The following ZNF417 variants were observed in gnomAD, a reference collection of about 807,000 sequenced individuals.
ZNF417 encodes the protein zinc finger protein 417.
ZNF417 carries 5 observed loss-of-function variants against 7.4 expected under a neutral mutation model. The observed-to-expected ratio is 0.68, with a 90% CI of 0.35 to 1.43. ZNF417 has a LOEUF of 1.43. Among genes scored for constraint, ZNF417 ranks in the 40% most tolerant of loss-of-function variants. The pLI is 0.04. For synonymous variants in ZNF417, 147 were observed against 239.1 expected (o/e 0.61, Z 3.55); for missense variants, 437 against 697.3 (o/e 0.63, Z 4.20).
chr19:57,907,960 G>A lies in ZNF417; in HGVS notation c.*590C>T, dbSNP rs190767175. On this transcript the variant is annotated 3_prime_UTR_variant, in exon 3 of 3. Transcript: ENST00000312026. The stretch of plus-strand genomic sequence containing the variant: ...TCAACGGGTACTGAGTAGAGGACTC[G>A]GAGCTCTGAGGTAATTGGAGCTCAT... The A allele has an allele frequency of 2.5e-5, 4 of 158,636 alleles. No individual in the cohort carries two copies. The highest frequency in any genetic ancestry group is 1.2e-4 in the Admixed American group (2 of 16,770). 9.8% of individuals were successfully genotyped at this position (158,636 alleles called of 1,614,324 possible).
In ZNF417 at chr19:57,908,494, T is replaced by C. The variant is rs961681721; in HGVS notation, c.*56A>G. On this transcript the variant is annotated 3_prime_UTR_variant, in exon 3 of 3. Transcript: ENST00000312026. Reference sequence around the variant, plus strand: ...TAAGGCCTTTCTCCAGTATGAACTCTCCTGTGTTTAATGAGACGGGATGTT... The same window carrying C: ...TAAGGCCTTTCTCCAGTATGAACTCCCCTGTGTTTAATGAGACGGGATGTT... 1.1e-5 allele frequency: 17 copies of C among 1,610,752 alleles called. No homozygotes were observed. The highest frequency in any genetic ancestry group is 1.4e-5 in the Non-Finnish European group (17 of 1,177,124).
chr19:57,909,369 TTTCCCG>T lies in ZNF417; in HGVS notation c.903_908del (p.Cys301_Lys303delinsTer). On this transcript the variant is annotated stop_gained and inframe_deletion, in exon 3 of 3. Transcript: ENST00000312026. LOFTEE classifies it low-confidence loss of function (END_TRUNC). Reference sequence around the variant, plus strand: ...TAAGGCTGCCCTTCTGACTAAAAGATTTCCCGCACTCCTCACAGGGATAAGCTGTCT... The same window carrying T: ...TAAGGCTGCCCTTCTGACTAAAAGATCACTCCTCACAGGGATAAGCTGTCT... 6.2e-7 allele frequency: 1 copy of T among 1,614,248 alleles called. No individual in the cohort carries two copies. Among genetic ancestry groups the T allele is most frequent in the East Asian group, 2.2e-5 (1 of 44,884 alleles).
chr19:57,915,759 G>A, intron 1 of ZNF417: 7 of 412,132 alleles, frequency 1.7e-5, no homozygotes, highest in Non-Finnish European at 2.5e-5. Context: ...TTAGCTACAA[G>A]GTTAGAAATT....
At chr19:57,914,110 G>A (rs1162286187) in intron 1 of ZNF417, among the ~76,000 whole-genome samples, 3 of 152,032 alleles carry the variant, frequency 2.0e-5, no homozygotes, top group South Asian at 2.1e-4. Flanking sequence ...CTGATGCAGC[G>A]TCCATGGTTA....
intron 1 of ZNF417, among the ~76,000 whole-genome samples, chr19:57,912,878 G>A (rs2071912177): frequency 1.3e-5 from 2 of 152,030 alleles, no homozygotes. Context: ...GCCTCCAAAA[G>A]TGAGATTACA....
chr19:57,910,415 G>A (rs2122527052), intron 2 of ZNF417, among the ~76,000 whole-genome samples: 1 of 152,040 alleles, frequency 6.6e-6, no homozygotes, highest in East Asian at 1.9e-4. Context: ...ATGTGGTGGT[G>A]AGCGCCTGTA....
rs2071836586 is a variant in ZNF417, at chr19:57,906,914, T to C, written c.*1636A>G. 1 of 125,736 alleles carries C rather than the reference T, an allele frequency of 8.0e-6. No homozygotes were observed. Among genetic ancestry groups the C allele is most frequent in the Admixed American group, 9.6e-5 (1 of 10,396 alleles). 7.8% of individuals were successfully genotyped at this position (125,736 alleles called of 1,614,324 possible). On this transcript the variant is annotated 3_prime_UTR_variant, in exon 3 of 3. Coordinates refer to ENST00000312026, the MANE Select transcript of ZNF417 (RefSeq NM_152475.3). ...CTGTCACCAGGCTGGAGTGCAGTGG[T>C]GCAATCTCGGCTCACTGCAACCTAT...
In ZNF417 at chr19:57,906,910, G is replaced by A. The variant is rs1462573859; in HGVS notation, c.*1640C>T. 1 of 126,066 alleles carries A rather than the reference G, an allele frequency of 7.9e-6. No individual in the cohort carries two copies. The highest frequency in any genetic ancestry group is 1.6e-5 in the Non-Finnish European group (1 of 63,234). 7.8% of individuals were successfully genotyped at this position (126,066 alleles called of 1,614,324 possible). A position where few individuals can be genotyped will look rare whatever the true frequency, so the allele number is the denominator to read the frequency against. On this transcript the variant is annotated 3_prime_UTR_variant, in exon 3 of 3. Transcript: ENST00000312026. ...CGCTCTGTCACCAGGCTGGAGTGCAGTGGTGCAATCTCGGCTCACTGCAAC... is the reference window on the plus strand; with the variant it reads ...CGCTCTGTCACCAGGCTGGAGTGCAATGGTGCAATCTCGGCTCACTGCAAC...
In ZNF417 at chr19:57,907,967, T is replaced by C. The variant is rs538530557; in HGVS notation, c.*583A>G. On this transcript the variant is annotated 3_prime_UTR_variant, in exon 3 of 3. Coordinates refer to ENST00000312026, the MANE Select transcript of ZNF417 (RefSeq NM_152475.3). ...GTACTGAGTAGAGGACTCGGAGCTC[T>C]GAGGTAATTGGAGCTCATGGCTATC... is the stretch of plus-strand genomic sequence containing the variant. The C allele has an allele frequency of 6.2e-6, 1 of 160,020 alleles. No individual in the cohort carries two copies. Among genetic ancestry groups the C allele is most frequent in the Non-Finnish European group, 1.4e-5 (1 of 72,304 alleles). The allele number at this position is 160,020 out of a possible 1,614,324, so 9.9% of individuals were successfully genotyped here.
chr19:57,908,119 T>C lies in ZNF417; in HGVS notation c.*431A>G, dbSNP rs1010397175. 1 of 188,434 alleles carries C rather than the reference T, an allele frequency of 5.3e-6. No individual in the cohort carries two copies. Among genetic ancestry groups the C allele is most frequent in the Non-Finnish European group, 1.1e-5 (1 of 89,408 alleles). 11.7% of individuals were successfully genotyped at this position (188,434 alleles called of 1,614,324 possible). On this transcript the variant is annotated 3_prime_UTR_variant, in exon 3 of 3. Transcript: ENST00000312026. ...AAGGTAATCTTAGAAAGATGTTGAA[T>C]AGAAAGCAAGCTACGGTGACATCTT...
At position 57,916,416 on chromosome 19, in the gene ZNF417, C is replaced by G. The variant is rs2071949347; in HGVS notation, c.-5G>C. 1.9e-6 allele frequency: 3 copies of G among 1,613,022 alleles called. No homozygotes were observed. The highest frequency in any genetic ancestry group is 2.7e-5 in the African/African-American group (2 of 74,076). Reference sequence around the variant, plus strand: ...CCTCGGCGCAGCCGCTGCCATCGGACTACTTGGGGAAGCACGGCCCGGGAG... The same window carrying G: ...CCTCGGCGCAGCCGCTGCCATCGGAGTACTTGGGGAAGCACGGCCCGGGAG... On this transcript the variant is annotated 5_prime_UTR_variant, in exon 1 of 3. Transcript: ENST00000312026.
intron 1 of ZNF417, among the ~76,000 whole-genome samples, chr19:57,912,467 C>A (rs1236099317): frequency 6.6e-6 from 1 of 152,194 alleles, no homozygotes; most frequent in Non-Finnish European, 1.5e-5. Context: ...AAGCCCAGGG[C>A]AGCTGCCTGA....
intron 1 of ZNF417, among the ~76,000 whole-genome samples, chr19:57,913,383 G>A (rs566422951): frequency 6.6e-6 from 1 of 152,258 alleles, no homozygotes; most frequent in Admixed American, 6.5e-5. Flanking sequence ...GATATCCATG[G>A]ACCTATTTCA....
At chr19:57,912,818 T>A (rs1485166084) in intron 1 of ZNF417, among the ~76,000 whole-genome samples, 1 of 152,092 alleles carries the variant, frequency 6.6e-6, no homozygotes, top group Non-Finnish European at 1.5e-5. Flanking sequence ...TTTCACCATG[T>A]TGGCCAGGCT....
chr19:57,914,761 C>A (rs998891348), intron 1 of ZNF417, among the ~76,000 whole-genome samples: 6 of 152,210 alleles, frequency 3.9e-5, no homozygotes, highest in Admixed American at 3.3e-4. Context: ...CATTTCACAA[C>A]CTGGTAGCAA....
In ZNF417 at chr19:57,906,537, T is replaced by A. The variant is rs921253302; in HGVS notation, c.*2013A>T. Among the ~76,000 whole-genome samples, 25 of 150,448 alleles carry A rather than the reference T, an allele frequency of 1.7e-4. No homozygotes were observed. Among genetic ancestry groups the A allele is most frequent in the Non-Finnish European group, 3.4e-4 (23 of 67,696 alleles). On this transcript the variant is annotated 3_prime_UTR_variant, in exon 3 of 3. Transcript: ENST00000312026. ...CAGCACTTTAGGAGGCTGAGGGGGG[T>A]GGATCATGAGGTCACAAGTTTGAGA...
At position 57,907,872 on chromosome 19, in the gene ZNF417, T is replaced by A. The variant is rs1352974933; in HGVS notation, c.*678A>T. 1 of 152,604 alleles carries A rather than the reference T, an allele frequency of 6.6e-6. No homozygotes were observed. Among genetic ancestry groups the A allele is most frequent in the African/African-American group, 2.4e-5 (1 of 41,446 alleles). The allele number at this position is 152,604 out of a possible 1,614,324, so 9.5% of individuals were successfully genotyped here. ...GAGGAAATTAGTTAATGTGGATGAA[T>A]GACGTTACCCATGGAGAATGAAGTA... On this transcript the variant is annotated 3_prime_UTR_variant, in exon 3 of 3. Transcript: ENST00000312026.
intron 1 of ZNF417, 60 bp from the exon 2 acceptor site, chr19:57,912,249 T>C: frequency 6.2e-7 from 1 of 1,604,684 alleles, no homozygotes; most frequent in Admixed American, 1.7e-5. Context: ...ACAACCCACC[T>C]CTCCCACACA....
Position 57,909,021 on chromosome 19 carries a change from G to T in ZNF417, c.1257C>A (p.Tyr419Ter), listed in dbSNP as rs1297768270. 2 of 1,613,446 alleles carry T rather than the reference G, an allele frequency of 1.2e-6. No individual in the cohort carries two copies. Among genetic ancestry groups the T allele is most frequent in the Non-Finnish European group, 8.5e-7 (1 of 1,179,610 alleles). The change falls in exon 3 of 3, where the codon TAC becomes TAA. Residue 419 changes from tyrosine (Y) to a stop codon, truncating the protein, a stop_gained. Transcript: ENST00000312026. LOFTEE classifies it low-confidence loss of function (END_TRUNC). ...ECKECGKSFR[Y>*]RSHLTEHQRL... ...TCTGGTGTTCAGTGAGGTGGGATCT[G>T]TACCTAAATGATTTCCCACATTCCT...
Sources: allele counts gnomAD v4.1 joint callset (sites outside exome capture counted in the v4.1 genomes callset), GRCh38; gene constraint gnomAD v4.1.1; transcripts MANE v1.5; gene names NCBI Gene and HGNC (gene_info 2026-07-23, HGNC 2026-07-21).